The following RUFY4 variants were observed in gnomAD, a reference collection of about 807,000 sequenced individuals.
RUFY4 encodes the protein RUN and FYVE domain-containing protein 4.
Under a neutral mutation model 69.0 loss-of-function variants are expected in RUFY4, and 73 were observed. The ratio of observed to expected loss-of-function variants is 1.06; its 90% CI spans 0.88 to 1.29. The LOEUF (loss-of-function observed/expected upper bound fraction) is 1.29, where lower values mean the gene tolerates loss of function less well. RUFY4 is among the 50% of genes most tolerant of loss of function. The pLI, the probability that RUFY4 is intolerant of heterozygous loss-of-function variation, is 0.00. For synonymous variants in RUFY4, 287 were observed against 271.8 expected (o/e 1.06, Z -0.55); for missense variants, 770 against 705.6 (o/e 1.09, Z -1.03).
upstream of RUFY4, among the ~76,000 whole-genome samples, chr2:218,064,549 T>C (rs554231622): frequency 6.6e-6 from 1 of 152,234 alleles, no homozygotes; most frequent in African/African-American, 2.4e-5. Flanking sequence ...TAGCAAGTAC[T>C]GAGGTCCGGG....
intron 2 of RUFY4, among the ~76,000 whole-genome samples, chr2:218,071,929 A>T (rs1358193294): frequency 6.6e-6 from 1 of 152,122 alleles, no homozygotes; most frequent in East Asian, 1.9e-4. Context: ...CTCCTCAAAG[A>T]ACACACATTT....
chr2:218,084,575 G>A (rs1368947375), intron 9 of RUFY4, among the ~76,000 whole-genome samples: 1 of 152,066 alleles, frequency 6.6e-6, no homozygotes, highest in African/African-American at 2.4e-5. Flanking sequence ...GTGAGAAAAA[G>A]GAGACATCAA....
intron 2 of RUFY4, among the ~76,000 whole-genome samples, chr2:218,046,246 G>A (rs756966875): frequency 1.3e-5 from 2 of 152,000 alleles, no homozygotes; most frequent in African/African-American, 4.8e-5. Context: ...ATATACTATT[G>A]TTAACTATAG....
chr2:218,066,973 G>C (rs1481402723), upstream of RUFY4, among the ~76,000 whole-genome samples: 1 of 152,232 alleles, frequency 6.6e-6, no homozygotes, highest in Non-Finnish European at 1.5e-5. Flanking sequence ...TGTTTAGTCA[G>C]TGGGAATTTT....
upstream of RUFY4, among the ~76,000 whole-genome samples, chr2:218,065,130 T>C (rs766404566): frequency 6.6e-5 from 10 of 152,018 alleles, no homozygotes; most frequent in Non-Finnish European, 1.3e-4. Context: ...ATTTTCAACG[T>C]CCTCCCACTC....
chr2:218,045,545 T>A (rs1182105878), intron 2 of RUFY4, among the ~76,000 whole-genome samples: 1 of 152,174 alleles, frequency 6.6e-6, no homozygotes, highest in Non-Finnish European at 1.5e-5. Context: ...AAACCAACGT[T>A]TTAACAAAAA....
intron 9 of RUFY4, among the ~76,000 whole-genome samples, chr2:218,087,640 C>A (rs186301727): frequency 6.6e-6 from 1 of 152,100 alleles, no homozygotes; most frequent in East Asian, 1.9e-4. Context: ...ACTAGCCTGG[C>A]CAACATGCTG....
chr2:218,078,037 A>T (rs1689676692), intron 8 of RUFY4, among the ~76,000 whole-genome samples: 1 of 152,138 alleles, frequency 6.6e-6, no homozygotes, highest in Non-Finnish European at 1.5e-5. Context: ...TCATTCCACA[A>T]ACACCCTGTG....
chr2:218,073,881 A>G (rs1420737325), exon 6 of RUFY4: 2 of 1,613,894 alleles, frequency 1.2e-6, no homozygotes, highest in African/African-American at 2.7e-5. Context: ...GATGCCCCAA[A>G]GAAGGTGCCT....
chr2:218,063,680 C>T (rs560428549), intron 3 of RUFY4, among the ~76,000 whole-genome samples: 4 of 152,256 alleles, frequency 2.6e-5, no homozygotes, highest in South Asian at 4.2e-4. Flanking sequence ...CAGCTAGGAG[C>T]GAACATGGTA....
intron 2 of RUFY4, among the ~76,000 whole-genome samples, chr2:218,040,740 A>G (rs890657940): frequency 2.6e-5 from 4 of 152,138 alleles, no homozygotes; most frequent in Non-Finnish European, 5.9e-5. Flanking sequence ...AAATACTGGT[A>G]GGGACGGAAC....
chr2:218,039,064 G>A (rs896908490), intron 2 of RUFY4, among the ~76,000 whole-genome samples: 15 of 152,240 alleles, frequency 9.9e-5, no homozygotes, highest in African/African-American at 1.4e-4. Context: ...TAAGGAAGGG[G>A]CATCACAGCA....
At chr2:218,039,680 G>C (rs941895302) in intron 2 of RUFY4, among the ~76,000 whole-genome samples, 3 of 152,172 alleles carry the variant, frequency 2.0e-5, no homozygotes, top group Admixed American at 2.0e-4. Flanking sequence ...ACTGAGATGG[G>C]GGGAGCAGTG....
chr2:218,066,150 A>G (rs911029176), upstream of RUFY4, among the ~76,000 whole-genome samples: 3 of 151,462 alleles, frequency 2.0e-5, no homozygotes, highest in African/African-American at 7.3e-5. Context: ...TGATGATAAC[A>G]ATATAGCAAC....
chr2:218,072,938 C>T, intron 4 of RUFY4, 53 bp downstream of exon 6: 1 of 1,402,954 alleles, frequency 7.1e-7, no homozygotes, highest in Non-Finnish European at 9.5e-7. Flanking sequence ...ACTTTCCCTC[C>T]TTTGTAAAAG....
exon 11 of RUFY4, chr2:218,090,086 C>T: frequency 7.2e-7 from 1 of 1,395,018 alleles, no homozygotes. Context: ...GACTGGCCTC[C>T]CACCTGCCTG....
chr2:218,054,124 A>G (rs776355045), intron 2 of RUFY4, among the ~76,000 whole-genome samples: 1 of 152,232 alleles, frequency 6.6e-6, no homozygotes, highest in Non-Finnish European at 1.5e-5. Flanking sequence ...TCAAAAGTTG[A>G]ACTTTCATCA....
At chr2:218,075,104 A>T in exon 7 of RUFY4, 2 of 1,533,816 alleles carry the variant, frequency 1.3e-6, no homozygotes, top group South Asian at 2.5e-5. Context: ...TCCCAGCCGC[A>T]TATGGAGGGC....
intron 5 of RUFY4, among the ~76,000 whole-genome samples, 151 bp downstream of exon 7, chr2:218,073,537 G>C (rs1204345360): frequency 1.3e-5 from 2 of 152,160 alleles, no homozygotes; most frequent in East Asian, 3.8e-4. Flanking sequence ...AGCCCTCGAT[G>C]CTCCCAGTGC....
Sources: allele counts gnomAD v4.1 joint callset (sites outside exome capture counted in the v4.1 genomes callset), GRCh38; gene constraint gnomAD v4.1.1; transcripts MANE v1.5; gene names NCBI Gene and HGNC (gene_info 2026-07-23, HGNC 2026-07-21).